The following TECTA variants were observed in gnomAD, a reference collection of about 807,000 sequenced individuals.
TECTA encodes tectorin alpha, also known as alpha-tectorin.
A neutral mutation model predicts 216.8 loss-of-function variants in TECTA; 128 were observed. The ratio of observed to expected loss-of-function variants is 0.59; its 90% CI spans 0.51 to 0.68. TECTA has a LOEUF of 0.68. TECTA is among the 30% of genes least tolerant of loss of function. The pLI is 0.00. For synonymous variants in TECTA, 1,089 were observed against 1,117.1 expected (o/e 0.97, Z 0.50); for missense variants, 2,551 against 2,786.2 (o/e 0.92, Z 1.90).
intron 15 of TECTA, 145 bp downstream of exon 15, chr11:121,160,566 C>G (rs1486316910): frequency 8.5e-7 from 1 of 1,176,202 alleles, no homozygotes; most frequent in East Asian, 2.4e-5. Context: ...AGTTTTGATG[C>G]TAAAAATAGG....
intron 11 of TECTA, among the ~76,000 whole-genome samples, chr11:121,142,815 C>T (rs562676182): frequency 5.3e-5 from 8 of 152,088 alleles, no homozygotes; most frequent in East Asian, 1.9e-4. Context: ...CTTCTCCTCC[C>T]GTGGCCGCTC....
intron 6 of TECTA, among the ~76,000 whole-genome samples, chr11:121,117,635 G>A (rs1329478180): frequency 6.6e-6 from 1 of 152,170 alleles, no homozygotes; most frequent in African/African-American, 2.4e-5. Context: ...TAGACAGAGA[G>A]AAGTCCTGGA....
Position 121,160,129 on chromosome 11 carries a change from C to T in TECTA, c.4690-6C>T, listed in dbSNP as rs755141393. On this transcript the variant is annotated splice_polypyrimidine_tract_variant and splice_region_variant and intron_variant, in intron 14 of 23. Coordinates refer to ENST00000392793, the MANE Select transcript of TECTA (RefSeq NM_005422.4). ...GTAATTATTTTCTTTTTTCCTCCTC[C>T]AATAGGTGAATGGCACACAAGTGAA... 1.2e-6 allele frequency: 2 copies of T among 1,614,148 alleles called. No homozygotes were observed. The highest frequency in any genetic ancestry group is 1.1e-5 in the South Asian group (1 of 91,068).
At chr11:121,103,988 C>T (rs76949106) in intron 2 of TECTA, among the ~76,000 whole-genome samples, 1 of 152,160 alleles carries the variant, frequency 6.6e-6, no homozygotes, top group African/African-American at 2.4e-5. Flanking sequence ...TCTCCCTGGC[C>T]ATGGTTTTCC....
At chr11:121,164,808 G>A (rs962218242) in intron 16 of TECTA, among the ~76,000 whole-genome samples, 4 of 152,174 alleles carry the variant, frequency 2.6e-5, no homozygotes, top group East Asian at 1.9e-4. Flanking sequence ...TTATTGGCAC[G>A]TATTTATTGT....
chr11:121,109,425 C>A lies in TECTA; in HGVS notation c.413C>A (p.Thr138Asn). The A allele has an allele frequency of 1.2e-6, 2 of 1,614,168 alleles. No homozygotes were observed. The highest frequency in any genetic ancestry group is 1.1e-5 in the South Asian group (1 of 91,080). ...AGGAAGTACTTCAAAGACATGGCAA[C>A]CTTCTCTGCCACTTGGGTTTTCATT... ...DIRKYFKDMA[T>N]FSATWVFIVT... is the part of the protein sequence containing the mutation. Residue 138 changes from threonine to asparagine, a missense_variant, in exon 4 of 24, where the codon ACC becomes AAC. Thr to Asn is a moderately conservative substitution (Grantham distance 65, BLOSUM62 0). This residue lies in a region of TECTA where 2,375 missense variants were observed against 2,563.9 expected (regional missense o/e 0.93). Transcript: ENST00000392793.
At chr11:121,184,739 G>C (rs201338861) in intron 20 of TECTA, among the ~76,000 whole-genome samples, 1 of 152,186 alleles carries the variant, frequency 6.6e-6, no homozygotes, top group East Asian at 1.9e-4. Context: ...AAGTGACCAG[G>C]TGTGGTGAAT....
Position 121,179,073 on chromosome 11 carries a change from T to G in TECTA, c.6000-8759T>G, listed in dbSNP as rs546968306. Among the ~76,000 whole-genome samples, 39 of 152,260 alleles carry G rather than the reference T, an allele frequency of 2.6e-4. No homozygotes were observed. In the South Asian group the frequency reaches 8.1e-3, roughly 31 times the overall value. ...CATTGATTCTTTGCTTGTTTTGATC[T>G]CTACTTTATTTAGCTCTGGCCTAAT... On this transcript the variant is annotated intron_variant, in intron 20 of 23. Transcript: ENST00000392793.
rs145043657 is a variant in TECTA at position 121,112,930 on chromosome 11, G to A, written c.487-142G>A. 2.2e-3 allele frequency: 2,096 copies of A among 940,208 alleles called. 7 individuals are homozygous for A. The highest frequency in any genetic ancestry group is 2.9e-3 in the Non-Finnish European group (1,751 of 608,394). 58.2% of individuals were successfully genotyped at this position (940,208 alleles called of 1,614,324 possible). ...CGGAGGCGAGAACAAATTCAGAGAG[G>A]AGTCAGAGCTGGAGGGCCTGGCTGC... On this transcript the variant is annotated intron_variant, in intron 4 of 23. Transcript: ENST00000392793.
intron 3 of TECTA, among the ~76,000 whole-genome samples, chr11:121,107,018 GAC>G (rs1455452056): frequency 6.6e-6 from 1 of 152,188 alleles, no homozygotes; most frequent in Non-Finnish European, 1.5e-5. Flanking sequence ...ATATAATCAA[GAC>G]ACACGTGAGT....
chr11:121,136,505 G>T (rs1946728691), intron 10 of TECTA, among the ~76,000 whole-genome samples: 1 of 152,154 alleles, frequency 6.6e-6, no homozygotes, highest in Admixed American at 6.5e-5. Flanking sequence ...AATTTGCAGA[G>T]TAAAAATACC....
At chr11:121,143,650 C>T (rs1316147324) in intron 11 of TECTA, among the ~76,000 whole-genome samples, 1 of 152,228 alleles carries the variant, frequency 6.6e-6, no homozygotes, top group African/African-American at 2.4e-5. Context: ...CTCAGTGGTG[C>T]CAAATCAATG....
rs1310353869 is a variant in TECTA, at chr11:121,130,865, A to G, written c.2941+654A>G. Among the ~76,000 whole-genome samples the G allele has an allele frequency of 1.8e-4, 27 of 152,252 alleles. 1 individual carries two copies. The South Asian group carries it at 2.9e-3, about 16-fold the overall frequency. On this transcript the variant is annotated intron_variant, in intron 10 of 23. Coordinates refer to ENST00000392793, the MANE Select transcript of TECTA (RefSeq NM_005422.4). The stretch of plus-strand genomic sequence containing the variant: ...AACTGCCTCATCTGGCCTTCAGCAC[A>G]CAACCCTCTCCCACCACAAAGGTGG...
At chr11:121,144,812 C>A (rs932780269) in intron 11 of TECTA, among the ~76,000 whole-genome samples, 2 of 152,166 alleles carry the variant, frequency 1.3e-5, no homozygotes, top group Non-Finnish European at 2.9e-5. Context: ...GTGGTTCCTG[C>A]CCTCAAGTTG....
chr11:121,187,697 T>G (rs1591473381), intron 20 of TECTA, 135 bp from the exon 21 acceptor site: 1 of 906,632 alleles, frequency 1.1e-6, no homozygotes, highest in East Asian at 2.5e-5. Context: ...AGTCCAGGGG[T>G]CACTTTCAAA....
intron 2 of TECTA, among the ~76,000 whole-genome samples, chr11:121,104,940 C>T (rs934448326): frequency 6.6e-6 from 1 of 152,184 alleles, no homozygotes; most frequent in African/African-American, 2.4e-5. Flanking sequence ...AAAAGTAACA[C>T]CCAAAATGTA....
chr11:121,139,622 G>A (rs1399497044), intron 11 of TECTA, among the ~76,000 whole-genome samples: 8 of 152,054 alleles, frequency 5.3e-5, no homozygotes, highest in South Asian at 2.1e-4. Context: ...CCCAGGAGGC[G>A]GAGATTGCAG....
At chr11:121,180,293 G>A (rs1222891638) in intron 20 of TECTA, among the ~76,000 whole-genome samples, 1 of 152,170 alleles carries the variant, frequency 6.6e-6, no homozygotes, top group Non-Finnish European at 1.5e-5. Context: ...ACACTTAAAT[G>A]TTCTTGTAGG....
intron 11 of TECTA, among the ~76,000 whole-genome samples, chr11:121,140,669 TC>T (rs780389763): frequency 2.0e-5 from 3 of 152,188 alleles, no homozygotes; most frequent in South Asian, 4.2e-4. Flanking sequence ...CCTGCCTCTC[TC>T]CTAGCTTCTG....
Sources: gnomAD v4.1 joint callset for allele counts (sites outside exome capture counted in the v4.1 genomes callset) on GRCh38, gnomAD v4.1.1 for gene constraint, gnomAD v4.1.1 regional missense constraint, MANE v1.5 for transcripts, NCBI Gene and HGNC (gene_info 2026-07-23, HGNC 2026-07-21) for gene names.